ROBO2: variants seen among roughly 807,000 people sequenced by gnomAD.
The protein encoded by ROBO2 is roundabout homolog 2.
Under a neutral mutation model 160.8 loss-of-function variants are expected in ROBO2, and 53 were observed. The ratio of observed to expected loss-of-function variants is 0.33; its 90% CI spans 0.26 to 0.41. The LOEUF is 0.41. Among genes scored for constraint, ROBO2 ranks in the 10% least tolerant of loss-of-function variants. ROBO2 has a pLI of 1.00. For synonymous variants in ROBO2, 664 were observed against 611.7 expected (o/e 1.09, Z -1.26); for missense variants, 1,577 against 1,722.4 (o/e 0.92, Z 1.49).
At chr3:77,131,273 C>T (rs563340552) in intron 2 of ROBO2, among the ~76,000 whole-genome samples, 1 of 152,236 alleles carries the variant, frequency 6.6e-6, no homozygotes. Context: ...CCTTAGTATT[C>T]ATATTTTAGA....
chr3:77,604,047 A>AT (rs1187118202), intron 20 of ROBO2: 2 of 152,214 alleles, frequency 1.3e-5, no homozygotes, highest in South Asian at 4.2e-4. Flanking sequence ...TTAGGGTAAC[A>AT]TTTTCTAAAT....
intron 2 of ROBO2, among the ~76,000 whole-genome samples, chr3:76,967,486 C>T (rs1327892467): frequency 7.2e-6 from 1 of 138,860 alleles, no homozygotes; most frequent in African/African-American, 2.7e-5. Context: ...GGATTACAGT[C>T]ATAAGCCACC....
intron 2 of ROBO2, among the ~76,000 whole-genome samples, chr3:76,255,112 A>C (rs1264637026): frequency 1.3e-5 from 2 of 152,118 alleles, no homozygotes; most frequent in Non-Finnish European, 2.9e-5. Flanking sequence ...AATTTGAGAA[A>C]AGTCATTGTG....
chr3:77,130,213 C>T, intron 2 of ROBO2, among the ~76,000 whole-genome samples: 1 of 152,084 alleles, frequency 6.6e-6, no homozygotes. Flanking sequence ...CCACTGCACT[C>T]CTCATCTTCA....
At chr3:77,363,900 C>T (rs1332998734) in intron 2 of ROBO2, among the ~76,000 whole-genome samples, 1 of 152,010 alleles carries the variant, frequency 6.6e-6, no homozygotes, top group Non-Finnish European at 1.5e-5. Flanking sequence ...GAGCAGAAGA[C>T]AGGGGGCTGG....
intron 2 of ROBO2, among the ~76,000 whole-genome samples, chr3:76,871,898 G>A (rs1446672742): frequency 6.6e-6 from 1 of 152,080 alleles, no homozygotes; most frequent in African/African-American, 2.4e-5. Context: ...ATGGCCATAG[G>A]GATGTAAACC....
chr3:76,109,918 G>A (rs1272026718), intron 2 of ROBO2, among the ~76,000 whole-genome samples: 1 of 151,780 alleles, frequency 6.6e-6, no homozygotes, highest in Admixed American at 6.6e-5. Context: ...GGAATACGTG[G>A]TATTTGACTT....
At chr3:76,630,733 G>A (rs947175397) in intron 2 of ROBO2, among the ~76,000 whole-genome samples, 5 of 152,142 alleles carry the variant, frequency 3.3e-5, no homozygotes, top group Admixed American at 6.5e-5. Context: ...CTCCAGGTGT[G>A]TAAGATCAAT....
chr3:76,333,046 T>A lies in ROBO2; in HGVS notation c.109+395444T>A, dbSNP rs143280592. 4.3e-3 allele frequency among the ~76,000 whole-genome samples: 662 copies of A among 152,324 alleles called. 1 individual carries two copies. Among genetic ancestry groups the A allele is most frequent in the Non-Finnish European group, 6.7e-3 (455 of 68,036 alleles). ...GCTTCTGTAACAAGTTTGCAGGTAA[T>A]GCTGTTGCTGCAGGCCCTGGAGCCA... On this transcript the variant is annotated intron_variant, in intron 2 of 26. Transcript: ENST00000487694.
In ROBO2 at chr3:76,560,085, CTT is replaced by C. The variant is rs201927140; in HGVS notation, c.110-537926_110-537925del. Among the ~76,000 whole-genome samples, 849 of 152,166 alleles carry C rather than the reference CTT, an allele frequency of 5.6e-3. 10 individuals are homozygous for C. The highest frequency in any genetic ancestry group is 0.019 in the African/African-American group (783 of 41,544). ...TTTCTGTATATATTAATTTGCTTCT[CTT>C]TTATTTTTCTCCCAGTTAAAATAGA... On this transcript the variant is annotated intron_variant, in intron 2 of 26. Coordinates refer to the ROBO2 transcript ENST00000487694.
At chr3:76,434,624 C>T (rs546485020) in intron 2 of ROBO2, 37 of 1,472,988 alleles carry the variant, frequency 2.5e-5, no homozygotes, top group South Asian at 1.1e-4. Flanking sequence ...TGGAGCAAAA[C>T]GGGGCTGTGG....
chr3:76,852,909 G>T (rs183313934), intron 2 of ROBO2, among the ~76,000 whole-genome samples: 4 of 151,982 alleles, frequency 2.6e-5, no homozygotes, highest in African/African-American at 7.2e-5. Context: ...ATTAGCAGGC[G>T]TCCCTTAAGA....
intron 2 of ROBO2, among the ~76,000 whole-genome samples, chr3:76,979,419 C>A (rs1422826687): frequency 1.3e-5 from 2 of 152,020 alleles, no homozygotes; most frequent in Non-Finnish European, 2.9e-5. Flanking sequence ...ATTGTATGAC[C>A]ATGTGTACAC....
At chr3:76,734,426 C>G (rs575491695) in intron 2 of ROBO2, among the ~76,000 whole-genome samples, 2 of 152,088 alleles carry the variant, frequency 1.3e-5, no homozygotes, top group Non-Finnish European at 2.9e-5. Context: ...AACTGTTTAA[C>G]GTTTTTGGTT....
chr3:77,591,498 G>A (rs560347456), intron 17 of ROBO2, among the ~76,000 whole-genome samples: 8 of 152,144 alleles, frequency 5.3e-5, no homozygotes, highest in South Asian at 4.1e-4. Flanking sequence ...ATAATCTTGC[G>A]AAATCTCTTT....
chr3:76,674,500 G>A (rs264536), intron 2 of ROBO2, among the ~76,000 whole-genome samples: 67,651 of 151,354 alleles, frequency 0.45, 15,398 homozygotes, highest in South Asian at 0.52. Flanking sequence ...TCCAATTGAC[G>A]GCAGTCTCTC....
intron 2 of ROBO2, among the ~76,000 whole-genome samples, chr3:76,125,471 T>G (rs1029438813): frequency 3.3e-5 from 5 of 152,192 alleles, no homozygotes; most frequent in African/African-American, 1.2e-4. Flanking sequence ...CAGCAGTGTA[T>G]AAGCATTCCC....
intron 2 of ROBO2, among the ~76,000 whole-genome samples, chr3:76,213,629 C>T (rs188857481): frequency 8.5e-5 from 13 of 152,050 alleles, no homozygotes; most frequent in Admixed American, 3.3e-4. Flanking sequence ...GAACATTTTG[C>T]AAATATCTTG....
At chr3:76,237,104 G>A (rs1704993413) in intron 2 of ROBO2, among the ~76,000 whole-genome samples, 1 of 151,760 alleles carries the variant, frequency 6.6e-6, no homozygotes, top group South Asian at 2.1e-4. Context: ...TTTACTGAAT[G>A]AATGAGTGAA....
Sources: gnomAD v4.1 joint callset for allele counts (sites outside exome capture counted in the v4.1 genomes callset) on GRCh38, gnomAD v4.1.1 for gene constraint, MANE v1.5 for transcripts, NCBI Gene and HGNC (gene_info 2026-07-23, HGNC 2026-07-21) for gene names.